Variants in TTLL9 observed in about 807,000 individuals in gnomAD.
The protein encoded by TTLL9 is tubulin tyrosine ligase like 9.
In TTLL9, 47 loss-of-function variants were observed where a neutral mutation model predicts 65.6. The observed-to-expected ratio is 0.72, with a 90% CI of 0.57 to 0.91. TTLL9 has a LOEUF of 0.91. Among genes scored for constraint, TTLL9 ranks in the 40% least tolerant of loss-of-function variants. The pLI is 0.00. For synonymous variants in TTLL9, 179 were observed against 204.8 expected, an observed-to-expected ratio of 0.87 and a Z score of 1.07; for missense variants, 537 against 568.8, an observed-to-expected ratio of 0.94 and a Z score of 0.57.
At chr20:31,895,578 C>T (rs180940252) in intron 3 of TTLL9, among the ~76,000 whole-genome samples, 20 of 152,212 alleles carry the variant, frequency 1.3e-4, no homozygotes, top group Admixed American at 9.2e-4. Context: ...ACTCTGTAGC[C>T]CAGGCTGGAG....
intron 5 of TTLL9, 133 bp downstream of exon 5, chr20:31,908,835 G>A (rs2063600211): frequency 1.3e-6 from 1 of 748,772 alleles, no homozygotes; most frequent in Non-Finnish European, 2.3e-6. Context: ...AAGTCTGCGG[G>A]CTAGACCTAT....
intron 7 of TTLL9, among the ~76,000 whole-genome samples, 184 bp from the exon 8 acceptor site, chr20:31,922,779 A>G (rs1005851416): frequency 7.2e-5 from 11 of 152,302 alleles, no homozygotes; most frequent in African/African-American, 2.6e-4. Flanking sequence ...GTGACCTTGG[A>G]CAAGTTACTC....
At chr20:31,928,175 TGG>T (rs2063942106) in intron 10 of TTLL9, among the ~76,000 whole-genome samples, 1 of 152,182 alleles carries the variant, frequency 6.6e-6, no homozygotes, top group South Asian at 2.1e-4. Flanking sequence ...TGCACAGCTC[TGG>T]GCATCATGGG....
chr20:31,884,991 A>G (rs1227097532), intron 2 of TTLL9, among the ~76,000 whole-genome samples: 1 of 152,232 alleles, frequency 6.6e-6, no homozygotes, highest in Admixed American at 6.5e-5. Flanking sequence ...ATACCTATGA[A>G]TGAATTTAAT....
intron 10 of TTLL9, among the ~76,000 whole-genome samples, chr20:31,931,455 G>A (rs974836406): frequency 2.0e-5 from 3 of 151,612 alleles, no homozygotes; most frequent in African/African-American, 2.4e-5. Flanking sequence ...TTTGTATTTC[G>A]TGTACATACA....
At chr20:31,911,301 G>C (rs1468463021) in intron 6 of TTLL9, among the ~76,000 whole-genome samples, 1 of 152,206 alleles carries the variant, frequency 6.6e-6, no homozygotes, top group Non-Finnish European at 1.5e-5. Flanking sequence ...CCGTAGCCTT[G>C]AATGGCATCA....
At chr20:31,911,512 G>C (rs1217599166) in intron 6 of TTLL9, among the ~76,000 whole-genome samples, 2 of 152,200 alleles carry the variant, frequency 1.3e-5, no homozygotes, top group Non-Finnish European at 2.9e-5. Flanking sequence ...CAACAGGCAC[G>C]AAGCCAAGGT....
intron 14 of TTLL9, chr20:31,939,618 G>T (rs2064172796): frequency 6.0e-6 from 1 of 166,544 alleles, no homozygotes; most frequent in Admixed American, 6.0e-5. Flanking sequence ...TATAAAATTG[G>T]CATTGGGCTA....
chr20:31,885,880 G>C (rs531132957), intron 2 of TTLL9, among the ~76,000 whole-genome samples: 2 of 152,340 alleles, frequency 1.3e-5, no homozygotes, highest in South Asian at 4.1e-4. Flanking sequence ...TCAGAGGGAC[G>C]TGCTCCATGT....
intron 3 of TTLL9, among the ~76,000 whole-genome samples, chr20:31,892,473 C>T (rs776447952): frequency 2.0e-5 from 3 of 152,192 alleles, no homozygotes; most frequent in Admixed American, 6.5e-5. Context: ...TTCGGCCCAA[C>T]ATTTTTGTGA....
intron 2 of TTLL9, among the ~76,000 whole-genome samples, chr20:31,882,509 C>T (rs572388180): frequency 2.5e-4 from 38 of 152,156 alleles, no homozygotes; most frequent in Non-Finnish European, 4.7e-4. Flanking sequence ...CCAACTGGCG[C>T]CATTCGTGCT....
chr20:31,918,199 C>T (rs1190829184), intron 6 of TTLL9, among the ~76,000 whole-genome samples: 1 of 151,970 alleles, frequency 6.6e-6, no homozygotes, highest in African/African-American at 2.4e-5. Flanking sequence ...CTCTTTCTGT[C>T]TGCTTGTAGT....
chr20:31,900,393 A>G (rs989762021), intron 4 of TTLL9, among the ~76,000 whole-genome samples: 1 of 152,164 alleles, frequency 6.6e-6, no homozygotes, highest in African/African-American at 2.4e-5. Context: ...TGGGATTTGC[A>G]TTGAGTCTGC....
chr20:31,920,977 A>G (rs1394319812), intron 7 of TTLL9, among the ~76,000 whole-genome samples: 1 of 152,238 alleles, frequency 6.6e-6, no homozygotes, highest in Non-Finnish European at 1.5e-5. Context: ...GCTGTCTTCC[A>G]GAGCTGGGCT....
At chr20:31,890,601 A>G (rs560360003) in intron 3 of TTLL9, among the ~76,000 whole-genome samples, 130 of 152,262 alleles carry the variant, frequency 8.5e-4, no homozygotes, top group Middle Eastern at 3.4e-3. Context: ...ACTGACAGGG[A>G]AGTGGGGAAA....
At chr20:31,920,719 C>G (rs567350039) in intron 7 of TTLL9, 2 of 152,852 alleles carry the variant, frequency 1.3e-5, no homozygotes, top group African/African-American at 4.8e-5. Flanking sequence ...CTGGCAGCCA[C>G]GTGAGTGGAG....
At chr20:31,936,648 C>G (rs1477943375) in intron 12 of TTLL9, among the ~76,000 whole-genome samples, 1 of 152,208 alleles carries the variant, frequency 6.6e-6, no homozygotes, top group African/African-American at 2.4e-5. Context: ...GCTTCCCACC[C>G]CCTGACACAG....
chr20:31,931,183 G>C (rs149604302), intron 10 of TTLL9, among the ~76,000 whole-genome samples: 1 of 150,118 alleles, frequency 6.7e-6, no homozygotes, highest in African/African-American at 2.5e-5. Context: ...GGGCTGAAGC[G>C]ATCCTCCTAC....
chr20:31,880,281 A>G (rs1009981920), intron 2 of TTLL9, among the ~76,000 whole-genome samples: 3 of 152,038 alleles, frequency 2.0e-5, no homozygotes, highest in African/African-American at 7.2e-5. Flanking sequence ...CCATCCATCC[A>G]TCCATCCATC....
Sources: gnomAD v4.1 joint callset for allele counts (sites outside exome capture counted in the v4.1 genomes callset) on GRCh38, gnomAD v4.1.1 for gene constraint, MANE v1.5 for transcripts, NCBI Gene and HGNC (gene_info 2026-07-23, HGNC 2026-07-21) for gene names.